Variants in COL25A1 observed in about 807,000 individuals in gnomAD.
COL25A1 encodes the protein collagen type XXV alpha 1 chain, also known as collagen alpha-1(XXV) chain.
In COL25A1, 103 loss-of-function variants were observed where a neutral mutation model predicts 128.4. The observed-to-expected ratio is 0.80, with a 90% CI of 0.68 to 0.94. COL25A1 has a LOEUF of 0.94. Among genes scored for constraint, COL25A1 ranks in the 40% least tolerant of loss-of-function variants. The pLI, the probability that COL25A1 is intolerant of heterozygous loss-of-function variation, is 0.00. For synonymous variants in COL25A1, 279 were observed against 277.2 expected, an observed-to-expected ratio of 1.01 and a Z score of -0.06; for missense variants, 745 against 840.0, an observed-to-expected ratio of 0.89 and a Z score of 1.40.
chr4:109,013,783 C>T (rs4085274), intron 5 of COL25A1, among the ~76,000 whole-genome samples: 77,683 of 152,012 alleles, frequency 0.51, 22,592 homozygotes, highest in African/African-American at 0.78. Context: ...TAAGCACGTC[C>T]GAACATCAGA....
At chr4:109,001,381 G>GAGATCCTGTCAGGTAGGCATCTA (rs1755363717) in intron 6 of COL25A1, among the ~76,000 whole-genome samples, 2 of 152,186 alleles carry the variant, frequency 1.3e-5, no homozygotes, top group Non-Finnish European at 2.9e-5. Flanking sequence ...ACAGGCATCT[G>GAGATCCTGTCAGGTAGGCATCTA]AGATCCTGTC....
intron 3 of COL25A1, among the ~76,000 whole-genome samples, chr4:109,290,944 T>A (rs539510223): frequency 1.3e-5 from 2 of 152,136 alleles, no homozygotes; most frequent in African/African-American, 4.8e-5. Flanking sequence ...GCTTTACTGA[T>A]AGTCTTTTTG....
At chr4:109,039,794 T>A (rs923588015) in intron 5 of COL25A1, among the ~76,000 whole-genome samples, 2 of 152,218 alleles carry the variant, frequency 1.3e-5, no homozygotes, top group Admixed American at 6.5e-5. Flanking sequence ...CATTATCTTT[T>A]AAATAACTCT....
At chr4:109,239,376 ATGTG>A (rs57537875) in intron 3 of COL25A1, among the ~76,000 whole-genome samples, 3,756 of 117,598 alleles carry the variant, frequency 0.032, 98 homozygotes, top group African/African-American at 0.079. Flanking sequence ...ATGTGTGTGT[ATGTG>A]TGTGTGTGTG....
chr4:109,070,788 T>C (rs1421252048), intron 3 of COL25A1, among the ~76,000 whole-genome samples: 2 of 151,058 alleles, frequency 1.3e-5, no homozygotes, highest in East Asian at 3.9e-4. Flanking sequence ...ATGCGGTGTT[T>C]GGTTTTTTGT....
At chr4:109,111,328 A>G (rs749538807) in intron 3 of COL25A1, among the ~76,000 whole-genome samples, 1 of 152,184 alleles carries the variant, frequency 6.6e-6, no homozygotes, top group African/African-American at 2.4e-5. Context: ...AGTTGTTCTT[A>G]GCCTCCTCTA....
chr4:109,254,222 A>T (rs953974635), intron 3 of COL25A1, among the ~76,000 whole-genome samples: 2 of 151,676 alleles, frequency 1.3e-5, no homozygotes, highest in East Asian at 3.9e-4. Flanking sequence ...TTTCTTAATC[A>T]CTAACATAAT....
At chr4:109,026,578 G>C (rs1360526727) in intron 5 of COL25A1, among the ~76,000 whole-genome samples, 1 of 152,202 alleles carries the variant, frequency 6.6e-6, no homozygotes, top group Non-Finnish European at 1.5e-5. Flanking sequence ...GATTGATAGG[G>C]AATGTCTACA....
chr4:109,067,406 A>T (rs1163607781), intron 3 of COL25A1, among the ~76,000 whole-genome samples: 1 of 152,198 alleles, frequency 6.6e-6, no homozygotes, highest in East Asian at 1.9e-4. Context: ...ATCTAAACAC[A>T]GTGAAACTCT....
intron 20 of COL25A1, among the ~76,000 whole-genome samples, chr4:108,865,399 G>A (rs932730117): frequency 1.4e-4 from 21 of 152,164 alleles, no homozygotes; most frequent in African/African-American, 5.1e-4. Context: ...AAGAAAGACA[G>A]GAGGCAAGTG....
chr4:109,060,540 A>C (rs1454944887), intron 3 of COL25A1, among the ~76,000 whole-genome samples: 1 of 152,106 alleles, frequency 6.6e-6, no homozygotes, highest in Non-Finnish European at 1.5e-5. Flanking sequence ...ATTTACATAC[A>C]TGTCTGGCAC....
chr4:109,200,496 C>T (rs1361142439), intron 3 of COL25A1, among the ~76,000 whole-genome samples: 1 of 151,994 alleles, frequency 6.6e-6, no homozygotes, highest in Non-Finnish European at 1.5e-5. Flanking sequence ...CTCTCTCGGT[C>T]GCCCAGGCTG....
intron 3 of COL25A1, among the ~76,000 whole-genome samples, chr4:109,143,065 T>C (rs1258817507): frequency 6.6e-6 from 1 of 152,210 alleles, no homozygotes. Flanking sequence ...CCTTTCCATA[T>C]TTAGGGCCTC....
chr4:109,117,965 T>A (rs537715929), intron 3 of COL25A1, among the ~76,000 whole-genome samples: 3 of 151,456 alleles, frequency 2.0e-5, no homozygotes, highest in Non-Finnish European at 3.0e-5. Context: ...GAAAATGGAA[T>A]GATATAAAAT....
At chr4:108,929,186 C>A (rs576013319) in intron 11 of COL25A1, among the ~76,000 whole-genome samples, 5 of 152,006 alleles carry the variant, frequency 3.3e-5, no homozygotes, top group Non-Finnish European at 5.9e-5. Flanking sequence ...TGCAATGGTG[C>A]GACTTTGGCT....
chr4:108,852,552 A>G (rs1004561728), intron 25 of COL25A1, among the ~76,000 whole-genome samples: 1 of 152,162 alleles, frequency 6.6e-6, no homozygotes, highest in African/African-American at 2.4e-5. Flanking sequence ...GCCATGCTCC[A>G]CACTCATCGT....
chr4:109,070,526 A>G (rs1009136919), intron 3 of COL25A1, among the ~76,000 whole-genome samples: 1 of 152,074 alleles, frequency 6.6e-6, no homozygotes, highest in Admixed American at 6.5e-5. Flanking sequence ...TTGCCCACAC[A>G]TTTTGGCTAC....
At chr4:109,099,217 A>C (rs1211443765) in intron 3 of COL25A1, among the ~76,000 whole-genome samples, 1 of 152,236 alleles carries the variant, frequency 6.6e-6, no homozygotes, top group Non-Finnish European at 1.5e-5. Flanking sequence ...GTAAGCAGAT[A>C]ATCAGAAGAA....
intron 3 of COL25A1, among the ~76,000 whole-genome samples, chr4:109,146,746 A>C (rs922728945): frequency 6.6e-6 from 1 of 152,250 alleles, no homozygotes; most frequent in Admixed American, 6.5e-5. Context: ...TCCCTTAAAG[A>C]GAAGTGTGTT....
Sources: gnomAD v4.1 joint callset for allele counts (sites outside exome capture counted in the v4.1 genomes callset) on GRCh38, gnomAD v4.1.1 for gene constraint, MANE v1.5 for transcripts, NCBI Gene and HGNC (gene_info 2026-07-23, HGNC 2026-07-21) for gene names.